The following ENAH variants were observed in gnomAD, a reference collection of about 807,000 sequenced individuals.
The protein encoded by ENAH is ENAH actin regulator.
In ENAH, 23 loss-of-function variants were observed where a neutral mutation model predicts 78.7. The observed-to-expected ratio is 0.29, with a 90% CI of 0.21 to 0.41. The LOEUF (loss-of-function observed/expected upper bound fraction) is 0.41. Ranked by LOEUF, ENAH falls within the 10% of genes least tolerant of loss-of-function variation. The probability of loss-of-function intolerance (pLI) is 1.00; values close to 1 mark genes in which losing one functional copy is unlikely to be tolerated. For synonymous variants in ENAH, 226 were observed against 241.0 expected (o/e 0.94, Z 0.58); for missense variants, 544 against 691.0 (o/e 0.79, Z 2.39).
At chr1:225,503,764 T>C (rs1448286618) in intron 11 of ENAH, among the ~76,000 whole-genome samples, 1 of 151,790 alleles carries the variant, frequency 6.6e-6, no homozygotes, top group Non-Finnish European at 1.5e-5. Context: ...ATTTTGATCA[T>C]TAATAGCATA....
intron 1 of ENAH, among the ~76,000 whole-genome samples, chr1:225,627,160 T>A (rs978051632): frequency 2.0e-5 from 3 of 152,230 alleles, no homozygotes; most frequent in Non-Finnish European, 4.4e-5. Context: ...TTTAGCCCCC[T>A]GCGTTATTTT....
intron 1 of ENAH, among the ~76,000 whole-genome samples, chr1:225,569,852 G>A (rs1009679464): frequency 1.3e-5 from 2 of 152,146 alleles, no homozygotes; most frequent in Non-Finnish European, 2.9e-5. Context: ...ATTGCCATGT[G>A]GGTATGTGGC....
intron 1 of ENAH, among the ~76,000 whole-genome samples, chr1:225,611,846 G>T (rs1332361808): frequency 6.6e-6 from 1 of 152,082 alleles, no homozygotes; most frequent in Non-Finnish European, 1.5e-5. Flanking sequence ...TTAGGGAAAT[G>T]AAAATAAAAA....
intron 1 of ENAH, among the ~76,000 whole-genome samples, chr1:225,598,215 T>C (rs1023458364): frequency 5.9e-5 from 9 of 152,268 alleles, no homozygotes; most frequent in Admixed American, 5.9e-4. Flanking sequence ...TCAAAAATTT[T>C]TAATTATTAC....
chr1:225,579,653 T>C (rs1008736817), intron 1 of ENAH, among the ~76,000 whole-genome samples: 2 of 152,246 alleles, frequency 1.3e-5, no homozygotes, highest in African/African-American at 4.8e-5. Flanking sequence ...CGTTCCATTA[T>C]TTTATTTAAA....
intron 4 of ENAH, among the ~76,000 whole-genome samples, chr1:225,528,380 G>A (rs1395408561): frequency 6.6e-6 from 1 of 152,164 alleles, no homozygotes; most frequent in Non-Finnish European, 1.5e-5. Context: ...AGCGAAAGAT[G>A]AGTATGGTGT....
chr1:225,510,848 C>T (rs1314085199), intron 10 of ENAH, among the ~76,000 whole-genome samples: 2 of 151,556 alleles, frequency 1.3e-5, no homozygotes, highest in East Asian at 3.9e-4. Context: ...CCTGTCTCTA[C>T]CAAAAATCCA....
chr1:225,593,413 GGGGGT>G (rs1364924881), intron 1 of ENAH, among the ~76,000 whole-genome samples: 53 of 120,842 alleles, frequency 4.4e-4, no homozygotes, highest in African/African-American at 1.6e-3. Context: ...GGGGGGGGGG[GGGGGT>G]GGGGGGTGCC....
chr1:225,639,109 A>G (rs542358902), intron 1 of ENAH, among the ~76,000 whole-genome samples: 1 of 152,308 alleles, frequency 6.6e-6, no homozygotes, highest in South Asian at 2.1e-4. Flanking sequence ...AAACATTCCA[A>G]AAGATGTAGG....
intron 1 of ENAH, among the ~76,000 whole-genome samples, chr1:225,636,793 TAA>T (rs1232420699): frequency 6.6e-6 from 1 of 152,202 alleles, no homozygotes; most frequent in Non-Finnish European, 1.5e-5. Context: ...CAGCATGATA[TAA>T]AGTGTTCAGA....
rs574790854 is a variant in ENAH at position 225,489,618 on chromosome 1, G to A, written c.*8157C>T. On this transcript the variant is annotated 3_prime_UTR_variant, in exon 14 of 14. Coordinates refer to ENST00000366843, the MANE Select transcript of ENAH (RefSeq NM_018212.6). The stretch of plus-strand genomic sequence containing the variant: ...AAAAAAAAGAATAAACCAACCAGTA[G>A]CTGCCGAGAATACAGTGAAAGAGGA... 2.6e-5 allele frequency: 4 copies of A among 152,212 alleles called. No individual in the cohort carries two copies. The highest frequency in any genetic ancestry group is 9.6e-5 in the African/African-American group (4 of 41,530). 9.4% of individuals were successfully genotyped at this position (152,212 alleles called of 1,614,324 possible). A position where few individuals can be genotyped will look rare whatever the true frequency, so the allele number is the denominator to read the frequency against.
chr1:225,598,286 G>C (rs2096912480), intron 1 of ENAH, among the ~76,000 whole-genome samples: 1 of 151,110 alleles, frequency 6.6e-6, no homozygotes, highest in Non-Finnish European at 1.5e-5. Context: ...TTTTCTAAAA[G>C]ATAATCTACC....
chr1:225,527,211 T>C (rs2096512063), intron 4 of ENAH, among the ~76,000 whole-genome samples: 1 of 152,190 alleles, frequency 6.6e-6, no homozygotes, highest in Non-Finnish European at 1.5e-5. Context: ...GTTCCAGTAA[T>C]AGTATAGAAA....
intron 1 of ENAH, among the ~76,000 whole-genome samples, chr1:225,592,087 CAT>C (rs1177319154): frequency 1.3e-5 from 2 of 152,162 alleles, no homozygotes; most frequent in African/African-American, 2.4e-5. Flanking sequence ...GTATCTGGCA[CAT>C]GTTAGGTACT....
chr1:225,511,945 ATTCT>A (rs2096380243), intron 9 of ENAH, 86 bp from the exon 10 acceptor site: 3 of 811,498 alleles, frequency 3.7e-6, no homozygotes, highest in Non-Finnish European at 5.8e-6. Context: ...CACTTCTAAT[ATTCT>A]TTCTGCCACT....
intron 1 of ENAH, among the ~76,000 whole-genome samples, chr1:225,597,127 T>C (rs1239357687): frequency 1.3e-5 from 2 of 152,154 alleles, no homozygotes; most frequent in East Asian, 1.9e-4. Flanking sequence ...ATACCCAAAA[T>C]AGCCTATTAT....
chr1:225,573,119 GA>G (rs904605841), intron 1 of ENAH, among the ~76,000 whole-genome samples: 2 of 152,132 alleles, frequency 1.3e-5, no homozygotes, highest in African/African-American at 4.8e-5. Flanking sequence ...GCAGACTAAG[GA>G]TTGCTAGGCT....
At chr1:225,525,404 C>G (rs1194126048) in intron 4 of ENAH, among the ~76,000 whole-genome samples, 1 of 152,124 alleles carries the variant, frequency 6.6e-6, no homozygotes, top group Admixed American at 6.5e-5. Context: ...GATTCTTTTT[C>G]TATATACCTG....
At chr1:225,561,037 C>A (rs1451267555) in intron 2 of ENAH, among the ~76,000 whole-genome samples, 2 of 151,898 alleles carry the variant, frequency 1.3e-5, no homozygotes, top group Admixed American at 1.3e-4. Context: ...AGATTGAGAC[C>A]ATCCTGGCCA....
Sources: allele counts gnomAD v4.1 joint callset (sites outside exome capture counted in the v4.1 genomes callset), GRCh38; gene constraint gnomAD v4.1.1; transcripts MANE v1.5; gene names NCBI Gene and HGNC (gene_info 2026-07-23, HGNC 2026-07-21).